Variants in LDLRAD4 observed in about 807,000 individuals in gnomAD.
LDLRAD4 encodes the protein low-density lipoprotein receptor class A domain-containing protein 4.
Under a neutral mutation model 17.0 loss-of-function variants are expected in LDLRAD4, and 5 were observed. The observed-to-expected ratio is 0.29, with a 90% CI of 0.15 to 0.62. The LOEUF is 0.62. LDLRAD4 is among the 20% of genes least tolerant of loss of function. LDLRAD4 has a pLI of 0.84. For synonymous variants in LDLRAD4, 168 were observed against 171.8 expected (o/e 0.98, Z 0.17); for missense variants, 340 against 424.7 (o/e 0.80, Z 1.75).
chr18:13,578,005 G>A lies in LDLRAD4; in HGVS notation c.182-43112G>A, dbSNP rs144968782. Among the ~76,000 whole-genome samples, 816 of 152,038 alleles carry A rather than the reference G, an allele frequency of 5.4e-3. 5 individuals are homozygous for A. The highest frequency in any genetic ancestry group is 0.019 in the African/African-American group (776 of 41,308). ...CCCAAATGAGGCTGAGAGTGGCTGT[G>A]AGGAAGGGAGGTCAGTGCCTCCTAC... is the stretch of plus-strand genomic sequence containing the variant. On this transcript the variant is annotated intron_variant, in intron 3 of 5. Transcript: ENST00000359446.
At chr18:13,284,213 G>A (rs540542122) in intron 1 of LDLRAD4, among the ~76,000 whole-genome samples, 6 of 152,254 alleles carry the variant, frequency 3.9e-5, no homozygotes, top group South Asian at 4.2e-4. Flanking sequence ...ATGCCAGCCC[G>A]CAGGAAGAAA....
intron 1 of LDLRAD4, among the ~76,000 whole-genome samples, chr18:13,221,157 C>T (rs966510094): frequency 2.0e-5 from 3 of 152,144 alleles, no homozygotes; most frequent in Admixed American, 1.3e-4. Flanking sequence ...AGTGATAAAA[C>T]ATTGTAAAAG....
At chr18:13,460,715 G>C (rs2092386251) in intron 3 of LDLRAD4, among the ~76,000 whole-genome samples, 2 of 152,170 alleles carry the variant, frequency 1.3e-5, no homozygotes, top group Admixed American at 1.3e-4. Context: ...TGGAACATGT[G>C]TCTCTCTTTG....
chr18:13,451,438 T>G (rs1400364472), intron 3 of LDLRAD4, among the ~76,000 whole-genome samples: 3 of 152,110 alleles, frequency 2.0e-5, no homozygotes, highest in African/African-American at 4.8e-5. Context: ...CCAGTCCCCT[T>G]TTACCTTGCA....
intron 3 of LDLRAD4, among the ~76,000 whole-genome samples, chr18:13,575,644 T>G (rs1190196320): frequency 6.6e-6 from 1 of 152,260 alleles, no homozygotes; most frequent in Non-Finnish European, 1.5e-5. Context: ...TTAAAGAATC[T>G]CCACATTGTT....
chr18:13,589,167 C>T (rs980264985), intron 3 of LDLRAD4, among the ~76,000 whole-genome samples: 5 of 152,158 alleles, frequency 3.3e-5, no homozygotes, highest in African/African-American at 1.2e-4. Context: ...CTCCTGGCCT[C>T]AAGTGATCCA....
chr18:13,589,701 C>A (rs1328849655), intron 3 of LDLRAD4, among the ~76,000 whole-genome samples: 1 of 152,104 alleles, frequency 6.6e-6, no homozygotes, highest in Non-Finnish European at 1.5e-5. Flanking sequence ...TAGGGCCTGA[C>A]ACTCTTCAGA....
intron 3 of LDLRAD4, among the ~76,000 whole-genome samples, chr18:13,579,837 A>G (rs1023038685): frequency 2.0e-5 from 3 of 152,158 alleles, no homozygotes; most frequent in African/African-American, 2.4e-5. Context: ...GCCGACTTCT[A>G]TCTGAACTTT....
intron 1 of LDLRAD4, among the ~76,000 whole-genome samples, chr18:13,266,417 G>C (rs2044221232): frequency 6.6e-6 from 1 of 152,174 alleles, no homozygotes; most frequent in Non-Finnish European, 1.5e-5. Context: ...CAGTCTCGGG[G>C]ACAACAGACA....
At chr18:13,347,112 T>C (rs1324667533) in intron 1 of LDLRAD4, among the ~76,000 whole-genome samples, 1 of 152,218 alleles carries the variant, frequency 6.6e-6, no homozygotes, top group African/African-American at 2.4e-5. Context: ...GATCCTGTTA[T>C]TATGATGTTA....
intron 1 of LDLRAD4, among the ~76,000 whole-genome samples, chr18:13,308,490 C>T (rs535711460): frequency 2.6e-5 from 4 of 152,314 alleles, no homozygotes; most frequent in South Asian, 2.1e-4. Flanking sequence ...ATCACCAAGT[C>T]GCCCTTCCTG....
chr18:13,489,779 T>C (rs534748435), intron 3 of LDLRAD4: 1 of 152,190 alleles, frequency 6.6e-6, no homozygotes, highest in Non-Finnish European at 1.5e-5. Flanking sequence ...GTTACATTCC[T>C]AGGTGTGGAA....
chr18:13,359,922 A>G (rs2083562975), intron 1 of LDLRAD4, among the ~76,000 whole-genome samples: 1 of 152,356 alleles, frequency 6.6e-6, no homozygotes, highest in African/African-American at 2.4e-5. Context: ...CCTTCCAGCC[A>G]ACAGGCATGG....
chr18:13,625,094 C>T (rs1053942344), intron 4 of LDLRAD4, among the ~76,000 whole-genome samples: 1 of 152,232 alleles, frequency 6.6e-6, no homozygotes, highest in African/African-American at 2.4e-5. Flanking sequence ...CCTCCTGTCC[C>T]CTCTGTGGAG....
intron 1 of LDLRAD4, chr18:13,241,676 G>A (rs375423862): frequency 1.4e-4 from 22 of 152,456 alleles, no homozygotes; most frequent in African/African-American, 5.0e-4. Context: ...GGCAATGTAG[G>A]GGTGACTGTC....
At chr18:13,405,088 C>A (rs1239457569) in intron 2 of LDLRAD4, among the ~76,000 whole-genome samples, 2 of 151,700 alleles carry the variant, frequency 1.3e-5, no homozygotes, top group African/African-American at 2.4e-5. Flanking sequence ...TTTTGATAAA[C>A]AGAAGGTAGT....
intron 1 of LDLRAD4, among the ~76,000 whole-genome samples, chr18:13,318,300 C>T (rs1246751079): frequency 2.6e-5 from 4 of 151,936 alleles, no homozygotes; most frequent in Middle Eastern, 3.4e-3. Context: ...CTCCCTCTGT[C>T]GCCCAGGCTG....
At chr18:13,239,597 G>C (rs2042522906) in intron 1 of LDLRAD4, 1 of 152,316 alleles carries the variant, frequency 6.6e-6, no homozygotes, top group African/African-American at 2.4e-5. Context: ...GAGGGGGCTT[G>C]GGCCAGCCAT....
At chr18:13,425,092 C>G (rs374203998) in intron 2 of LDLRAD4, among the ~76,000 whole-genome samples, 57 of 152,270 alleles carry the variant, frequency 3.7e-4, no homozygotes, top group African/African-American at 1.3e-3. Context: ...AACAAATAAA[C>G]AATACTGTGA....
Sources: gnomAD v4.1 joint callset for allele counts (sites outside exome capture counted in the v4.1 genomes callset) on GRCh38, gnomAD v4.1.1 for gene constraint, MANE v1.5 for transcripts, NCBI Gene and HGNC (gene_info 2026-07-23, HGNC 2026-07-21) for gene names.